WDR86: variants seen among roughly 807,000 people sequenced by gnomAD.
WDR86 encodes WD repeat domain 86, also known as WD repeat-containing protein 86.
A neutral mutation model predicts 36.5 loss-of-function variants in WDR86; 30 were observed. The observed-to-expected ratio is 0.82, with a 90% CI of 0.61 to 1.11. WDR86 has a LOEUF of 1.11. Among genes scored for constraint, WDR86 ranks in the 50% most tolerant of loss-of-function variants. The pLI is 0.00. For missense variants in WDR86, 545 were observed against 561.2 expected, an observed-to-expected ratio of 0.97 and a Z score of 0.29; for synonymous variants, 255 against 252.9, an observed-to-expected ratio of 1.01 and a Z score of -0.08.
At chr7:151,372,146 G>A (rs191994925), downstream of WDR86, among the ~76,000 whole-genome samples, 45 of 152,358 alleles carry the variant, frequency 3.0e-4, no homozygotes, top group Admixed American at 6.5e-4. Context: ...GCCGTGAGAC[G>A]TAGCCTTCCT....
Position 151,381,196 on chromosome 7 carries a change from G to C in WDR86, c.*386C>G, listed in dbSNP as rs1798533107. 2 of 1,263,100 alleles carry C rather than the reference G, an allele frequency of 1.6e-6. No homozygotes were observed. Among genetic ancestry groups the C allele is most frequent in the Admixed American group, 4.2e-5 (1 of 23,820 alleles). 78.2% of individuals were successfully genotyped at this position (1,263,100 alleles called of 1,614,324 possible). A position where few individuals can be genotyped will look rare whatever the true frequency, so the allele number is the denominator to read the frequency against. On this transcript the variant is annotated 3_prime_UTR_variant, in exon 6 of 6. Coordinates refer to ENST00000334493, the MANE Select transcript of WDR86 (RefSeq NM_198285.3). The surrounding 1 kb of genome is among the most constrained non-coding windows in gnomAD (Gnocchi z 4.8). ...ACGGACGATTTGCCAAAATAACCAG[G>C]TTCAGTGGCTTCTGTAAAAAGTCAC...
At chr7:151,383,158 A>T (rs1356818693) in intron 4 of WDR86, among the ~76,000 whole-genome samples, 2 of 139,310 alleles carry the variant, frequency 1.4e-5, no homozygotes, top group African/African-American at 5.4e-5. Flanking sequence ...GCTAATTTTA[A>T]AAAAAACGGG....
At chr7:151,370,985 G>A (rs1292814314), downstream of WDR86, among the ~76,000 whole-genome samples, 1 of 152,136 alleles carries the variant, frequency 6.6e-6, no homozygotes, top group Non-Finnish European at 1.5e-5. Context: ...CCACAGGACA[G>A]GTACTTCTCA....
At position 151,396,097 on chromosome 7, in the gene WDR86, G is replaced by A; in HGVS notation, c.405C>T (p.Gly135=). The A allele has an allele frequency of 6.2e-7, 1 of 1,612,816 alleles. No homozygotes were observed. Among genetic ancestry groups the A allele is most frequent in the South Asian group, 1.1e-5 (1 of 91,084 alleles). ...CTAGGGTCAGCACGCAGTTGCGGTG[G>A]CCCCGGAACTCCCGGGACATCTGCC... The part of the protein sequence containing the change: ...DKGQMSREFR[G]HRNCVLTLAY... Residue 135 remains glycine (G), a synonymous_variant, in exon 3 of 6, where the codon GGC becomes GGT. Coordinates refer to ENST00000334493, the MANE Select transcript of WDR86 (RefSeq NM_198285.3).
chr7:151,371,895 T>C (rs530535663), downstream of WDR86, among the ~76,000 whole-genome samples: 90 of 152,286 alleles, frequency 5.9e-4, no homozygotes, highest in South Asian at 6.4e-3. Context: ...TTTGTAGAAA[T>C]GGGGTCTCAC....
chr7:151,397,669 A>T (rs1433169295), intron 2 of WDR86, among the ~76,000 whole-genome samples: 2,766 of 32,844 alleles, frequency 0.084, 81 homozygotes, highest in East Asian at 0.17. Flanking sequence ...GCATAGCGGG[A>T]GGAAGAGCAT....
chr7:151,381,856 C>T lies in WDR86; in HGVS notation c.966+22G>A. On this transcript the variant is annotated intron_variant, in intron 5 of 5. Transcript: ENST00000334493. This position sits in a 1 kb window ranked among gnomAD's most constrained non-coding sequence, Gnocchi z 4.8. ...CCTTCCCTCCCACGGGCGGCGGCCCCGAGAAGGGCAGAGGGACCTACCTGG... is the reference window on the plus strand; with the variant it reads ...CCTTCCCTCCCACGGGCGGCGGCCCTGAGAAGGGCAGAGGGACCTACCTGG... 6.3e-7 allele frequency: 1 copy of T among 1,592,824 alleles called. No homozygotes were observed.
chr7:151,372,075 C>T (rs1402687850), downstream of WDR86, among the ~76,000 whole-genome samples: 1 of 152,158 alleles, frequency 6.6e-6, no homozygotes, highest in Non-Finnish European at 1.5e-5. Context: ...ACCAGTTTCT[C>T]ATCTGAGAAA....
chr7:151,383,326 T>C (rs1584995303), intron 4 of WDR86, among the ~76,000 whole-genome samples: 2 of 151,954 alleles, frequency 1.3e-5, no homozygotes, highest in Middle Eastern at 3.4e-3. Flanking sequence ...ATACAAAAAT[T>C]AGCTGGGTGT....
intron 2 of WDR86, among the ~76,000 whole-genome samples, chr7:151,398,198 T>C (rs955224314): frequency 6.6e-6 from 1 of 152,052 alleles, no homozygotes; most frequent in Non-Finnish European, 1.5e-5. Flanking sequence ...TATGTGTATG[T>C]TTTGTTGCTT....
At chr7:151,399,945 C>T (rs1584780341) in intron 2 of WDR86, among the ~76,000 whole-genome samples, 155 bp downstream of exon 2, 1 of 152,236 alleles carries the variant, frequency 6.6e-6, no homozygotes, top group Non-Finnish European at 1.5e-5. Context: ...GGGTCCACGT[C>T]GCTGGGTGCT....
chr7:151,400,268 G>A (rs961980524), intron 1 of WDR86, 27 bp from the exon 2 acceptor site: 2 of 1,557,194 alleles, frequency 1.3e-6, no homozygotes, highest in Non-Finnish European at 1.7e-6. Context: ...GGGGAGATGT[G>A]AGCGTACTGG....
At chr7:151,404,529 G>A (rs1046490729) in intron 1 of WDR86, among the ~76,000 whole-genome samples, 9 of 152,114 alleles carry the variant, frequency 5.9e-5, no homozygotes, top group African/African-American at 1.4e-4. Flanking sequence ...GGGAGGAGGC[G>A]GAACCAGGCC....
In WDR86 at chr7:151,400,114, C is replaced by T. The variant is rs374169529; in HGVS notation, c.291G>A (p.Thr97=). 5.6e-6 allele frequency: 9 copies of T among 1,602,010 alleles called. No individual in the cohort carries two copies. The highest frequency in any genetic ancestry group is 2.3e-5 in the South Asian group (2 of 88,776). Residue 97 remains threonine (T), a synonymous_variant, in exon 2 of 6, where the codon ACG becomes ACA. Coordinates refer to ENST00000334493, the MANE Select transcript of WDR86 (RefSeq NM_198285.3). ...GQCLQVYRGH[T]SIVNRILVAN... ...GCCAGGCTGACCTGTTCACGATGGA[C>T]GTGTGTCCTCGGTACACCTGCAGAC... is the stretch of plus-strand genomic sequence containing the variant.
rs117445749 is a variant in WDR86 at position 151,394,794 on chromosome 7, C to T, written c.726+982G>A. ...ATCTAAAACCTTGGGACAATGCGTT[C>T]GAGGATTTTCTGGCTTACAGACACA... On this transcript the variant is annotated intron_variant, in intron 3 of 5. Coordinates refer to ENST00000334493, the MANE Select transcript of WDR86 (RefSeq NM_198285.3). 8.5e-5 allele frequency among the ~76,000 whole-genome samples: 13 copies of T among 152,308 alleles called. No individual in the cohort carries two copies. The East Asian group carries it at 1.4e-3, about 16-fold the overall frequency.
Position 151,409,444 on chromosome 7 carries a change from C to T in WDR86, c.146G>A (p.Cys49Tyr). Reference sequence around the variant, plus strand: ...GGGTCTACCTTGCAGGAGCGCGCAGCACTGGCCGTCCGCGGTGCTCCAGAG... The same window carrying T: ...GGGTCTACCTTGCAGGAGCGCGCAGTACTGGCCGTCCGCGGTGCTCCAGAG... ...ARLWSTADGQCCALLQGHESY... is the reference protein window; with the variant it reads ...ARLWSTADGQYCALLQGHESY... Residue 49 changes from cysteine (C) to tyrosine (Y), a missense_variant, in exon 1 of 6, where the codon TGC (cysteine) becomes TAC (tyrosine). Coordinates refer to ENST00000334493, the MANE Select transcript of WDR86 (RefSeq NM_198285.3). The surrounding 1 kb of genome is among the most constrained non-coding windows in gnomAD (Gnocchi z 5.2). 1 of 1,547,822 alleles carries T rather than the reference C, an allele frequency of 6.5e-7. No individual in the cohort carries two copies. The highest frequency in any genetic ancestry group is 8.7e-7 in the Non-Finnish European group (1 of 1,151,836).
At chr7:151,377,887 A>G (rs937272427), downstream of WDR86, 3 of 152,224 alleles carry the variant, frequency 2.0e-5, no homozygotes, top group African/African-American at 7.2e-5. Flanking sequence ...CAGGCTTTAT[A>G]TATATTCAGC....
chr7:151,408,194 CT>C (rs1167346483), intron 1 of WDR86, among the ~76,000 whole-genome samples: 10 of 124,654 alleles, frequency 8.0e-5, no homozygotes, highest in Non-Finnish European at 1.2e-4. Context: ...TTTTTCTTTT[CT>C]TTTCTTTTTT....
chr7:151,377,341 A>G (rs771162382), downstream of WDR86: 12 of 397,698 alleles, frequency 3.0e-5, no homozygotes, highest in Non-Finnish European at 5.4e-5. Flanking sequence ...CTTTGGGTGT[A>G]GGAGGGGGTG....
Sources: allele counts gnomAD v4.1 joint callset (sites outside exome capture counted in the v4.1 genomes callset), GRCh38; gene constraint gnomAD v4.1.1; non-coding constraint Gnocchi (gnomAD v3.1); transcripts MANE v1.5; gene names NCBI Gene and HGNC (gene_info 2026-07-23, HGNC 2026-07-21).